RGL1: variants seen among roughly 807,000 people sequenced by gnomAD.
RGL1 encodes ral guanine nucleotide dissociation stimulator like 1, also known as ral guanine nucleotide dissociation stimulator-like 1.
Under a neutral mutation model 95.2 loss-of-function variants are expected in RGL1, and 24 were observed. The observed-to-expected ratio is 0.25, with a 90% CI of 0.18 to 0.35. The LOEUF is 0.35. Among genes scored for constraint, RGL1 ranks in the 10% least tolerant of loss-of-function variants. RGL1 has a pLI of 1.00. For synonymous variants in RGL1, 329 were observed against 344.9 expected (o/e 0.95, Z 0.51); for missense variants, 715 against 936.3 (o/e 0.76, Z 3.08).
intron 2 of RGL1, among the ~76,000 whole-genome samples, chr1:183,818,908 C>G (rs1231280356): frequency 6.6e-6 from 1 of 152,084 alleles, no homozygotes; most frequent in African/African-American, 2.4e-5. Context: ...GCTTTTGCCT[C>G]ATCTTTGTCA....
At chr1:183,789,539 A>G (rs1349547985) in intron 2 of RGL1, among the ~76,000 whole-genome samples, 8 of 152,368 alleles carry the variant, frequency 5.3e-5, no homozygotes, top group African/African-American at 1.9e-4. Context: ...TATAGTGGTC[A>G]CAAAATAAAT....
In RGL1 at chr1:183,883,861, C is replaced by T. The variant is rs368589442; in HGVS notation, c.686C>T (p.Thr229Met). 2.2e-5 allele frequency: 35 copies of T among 1,613,926 alleles called. No individual in the cohort carries two copies. Among genetic ancestry groups the T allele is most frequent in the East Asian group, 4.5e-5 (2 of 44,896 alleles). ...GAGGGTGGAGAGTCAGCAGAATTCACGTGCTTCTCAGAAGATCTCGTGGCA... is the reference window on the plus strand; with the variant it reads ...GAGGGTGGAGAGTCAGCAGAATTCATGTGCTTCTCAGAAGATCTCGTGGCA... The part of the protein sequence containing the change: ...ELEGGESAEF[T>M]CFSEDLVAEQ... Residue 229 changes from threonine (T) to methionine (M), a missense_variant, in exon 6 of 18, where the codon ACG (threonine) becomes ATG (methionine). Physicochemically the swap from Thr to Met is moderately conservative, Grantham distance 81. Coordinates refer to ENST00000360851, the MANE Select transcript of RGL1 (RefSeq NM_001297671.3).
intron 3 of RGL1, among the ~76,000 whole-genome samples, chr1:183,863,343 GT>G (rs1665631547): frequency 6.7e-6 from 1 of 150,338 alleles, no homozygotes; most frequent in African/African-American, 2.5e-5. Flanking sequence ...TTTGTTTTTT[GT>G]TTTTGAGAGA....
At chr1:183,777,595 G>GA (rs1219233339) in intron 2 of RGL1, among the ~76,000 whole-genome samples, 1 of 152,204 alleles carries the variant, frequency 6.6e-6, no homozygotes, top group African/African-American at 2.4e-5. Context: ...TGGTGACCTT[G>GA]CCTGTGACTC....
At chr1:183,664,625 C>A (rs1249570962) in intron 1 of RGL1, among the ~76,000 whole-genome samples, 3 of 149,346 alleles carry the variant, frequency 2.0e-5, no homozygotes, top group Non-Finnish European at 4.4e-5. Context: ...ACTTTTTGAG[C>A]AAAATAAAAT....
chr1:183,907,100 C>T lies in RGL1; in HGVS notation c.1561C>T (p.Leu521=). The change falls in exon 14 of 18, where the codon CTA becomes TTA. Residue 521 remains leucine, a splice_region_variant and synonymous_variant. Coordinates refer to ENST00000360851, the MANE Select transcript of RGL1 (RefSeq NM_001297671.3). ...GAAGAGCATGGTGAAGAGACTCAGCCTGTGAGTGTCCCCTGGGGGTTCTGG... is the reference window on the plus strand; with the variant it reads ...GAAGAGCATGGTGAAGAGACTCAGCTTGTGAGTGTCCCCTGGGGGTTCTGG... The part of the protein sequence containing the change: ...PRKSMVKRLS[L]LFLGSDMITS... The T allele has an allele frequency of 1.9e-6, 3 of 1,594,842 alleles. No individual in the cohort carries two copies. The highest frequency in any genetic ancestry group is 2.6e-6 in the Non-Finnish European group (3 of 1,164,240).
At chr1:183,677,584 T>A (rs1652911151) in intron 1 of RGL1, among the ~76,000 whole-genome samples, 1 of 152,234 alleles carries the variant, frequency 6.6e-6, no homozygotes, top group Admixed American at 6.5e-5. Context: ...TTGCTTTATG[T>A]CTTAATCCAA....
At chr1:183,681,039 T>G (rs1387014594) in intron 1 of RGL1, among the ~76,000 whole-genome samples, 1 of 152,254 alleles carries the variant, frequency 6.6e-6, no homozygotes, top group Non-Finnish European at 1.5e-5. Context: ...CCTGAGACTT[T>G]GCTGAAACTG....
chr1:183,815,659 AC>A (rs938183450), intron 2 of RGL1, among the ~76,000 whole-genome samples: 28 of 152,142 alleles, frequency 1.8e-4, no homozygotes, highest in Admixed American at 1.7e-3. Flanking sequence ...ACTCACCTCT[AC>A]CACATGTGAG....
rs143422438 is a variant in RGL1 at position 183,639,138 on chromosome 1, G to A, written c.-33+2637G>A. Among the ~76,000 whole-genome samples the A allele has an allele frequency of 3.3e-3, 497 of 152,208 alleles. 5 individuals carry two copies. Among genetic ancestry groups the A allele is most frequent in the African/African-American group, 0.011 (475 of 41,530 alleles). Reference sequence around the variant, plus strand: ...CTACTAAAAATACAAAAAATTAGCTGGGGGTGGTGGTGCACACCTGTAGTC... The same window carrying A: ...CTACTAAAAATACAAAAAATTAGCTAGGGGTGGTGGTGCACACCTGTAGTC... On this transcript the variant is annotated intron_variant, in intron 1 of 18. Coordinates refer to the RGL1 transcript ENST00000304685.
intron 1 of RGL1, among the ~76,000 whole-genome samples, chr1:183,735,016 A>T (rs1245347274): frequency 6.6e-6 from 1 of 152,088 alleles, no homozygotes; most frequent in Non-Finnish European, 1.5e-5. Flanking sequence ...ATTGCTGAGC[A>T]GCGTTTCTCC....
chr1:183,651,395 C>T (rs1258561386), intron 1 of RGL1, among the ~76,000 whole-genome samples: 1 of 152,166 alleles, frequency 6.6e-6, no homozygotes, highest in Non-Finnish European at 1.5e-5. Flanking sequence ...TATGGCCTCT[C>T]ATATGGAAGT....
chr1:183,647,673 A>G (rs1650388567), intron 1 of RGL1: 2 of 1,589,182 alleles, frequency 1.3e-6, no homozygotes, highest in Non-Finnish European at 1.7e-6. Context: ...GTAGGAATGT[A>G]GATTTTATTT....
chr1:183,825,394 G>A (rs6659603), intron 2 of RGL1, among the ~76,000 whole-genome samples: 114,617 of 152,062 alleles, frequency 0.75, 43,293 homozygotes, highest in Middle Eastern at 0.83. Flanking sequence ...GGTAGAGACC[G>A]GTTAGCCTAG....
Position 183,862,847 on chromosome 1 carries a change from C to A in RGL1, c.348-3149C>A, listed in dbSNP as rs559864881. ...AGAGTAGTGAGCAAAAAGAAAACAT[C>A]CTGGTATGCTGGAGTTTATTTTCTA... On this transcript the variant is annotated intron_variant, in intron 3 of 17. Coordinates refer to ENST00000360851, the MANE Select transcript of RGL1 (RefSeq NM_001297671.3). 9.2e-5 allele frequency among the ~76,000 whole-genome samples: 14 copies of A among 152,282 alleles called. No individual in the cohort carries two copies. In the South Asian group the frequency reaches 2.9e-3, roughly 32 times the overall value.
At chr1:183,670,807 T>C (rs922599171) in intron 1 of RGL1, among the ~76,000 whole-genome samples, 4 of 152,240 alleles carry the variant, frequency 2.6e-5, no homozygotes, top group African/African-American at 9.6e-5. Flanking sequence ...TATTCCTTTT[T>C]AATGCTGAAT....
chr1:183,677,347 A>C (rs896090281), intron 1 of RGL1, among the ~76,000 whole-genome samples: 15 of 151,398 alleles, frequency 9.9e-5, no homozygotes, highest in Non-Finnish European at 1.3e-4. Flanking sequence ...CCCGCTGCCC[A>C]TTGCTATACC....
chr1:183,728,082 G>A (rs1474058976), intron 1 of RGL1, among the ~76,000 whole-genome samples: 1 of 152,136 alleles, frequency 6.6e-6, no homozygotes, highest in African/African-American at 2.4e-5. Flanking sequence ...AGCAGGGAAA[G>A]GGAGAATTTC....
rs1198184841 is a variant in RGL1, at chr1:183,927,096, A to G, written c.*804A>G. On this transcript the variant is annotated 3_prime_UTR_variant, in exon 18 of 18. Transcript: ENST00000360851. ...TGTATTTCCGTTTTCCCCCTAAAGA[A>G]CATATCATAATCATTGCACAAATAA... The G allele has an allele frequency of 6.6e-6, 1 of 152,592 alleles. No individual in the cohort carries two copies. The highest frequency in any genetic ancestry group is 2.4e-5 in the African/African-American group (1 of 41,404). The allele number at this position is 152,592 out of a possible 1,614,324, so 9.5% of individuals were successfully genotyped here.
Sources: gnomAD v4.1 joint callset for allele counts (sites outside exome capture counted in the v4.1 genomes callset) on GRCh38, gnomAD v4.1.1 for gene constraint, MANE v1.5 for transcripts, NCBI Gene and HGNC (gene_info 2026-07-23, HGNC 2026-07-21) for gene names.